ATP13A4: variants seen among roughly 807,000 people sequenced by gnomAD.
The protein encoded by ATP13A4 is probable cation-transporting ATPase 13A4.
In ATP13A4, 114 loss-of-function variants were observed where a neutral mutation model predicts 142.5. The observed-to-expected ratio is 0.80, with a 90% CI of 0.69 to 0.93. The LOEUF (loss-of-function observed/expected upper bound fraction) is 0.93, where lower values mean the gene tolerates loss of function less well. ATP13A4 is among the 40% of genes least tolerant of loss of function. ATP13A4 has a pLI of 0.00. For missense variants in ATP13A4, 1,392 were observed against 1,454.0 expected (o/e 0.96, Z 0.69); for synonymous variants, 488 against 514.8 (o/e 0.95, Z 0.70).
At chr3:193,416,480 GT>G (rs1437701021) in intron 25 of ATP13A4, among the ~76,000 whole-genome samples, 3 of 152,104 alleles carry the variant, frequency 2.0e-5, no homozygotes, top group African/African-American at 7.2e-5. Flanking sequence ...GAGAATGTCA[GT>G]AAAAAGATAA....
chr3:193,462,238 A>G (rs199617965), intron 13 of ATP13A4, among the ~76,000 whole-genome samples: 2 of 147,118 alleles, frequency 1.4e-5, no homozygotes, highest in East Asian at 2.0e-4. Flanking sequence ...AAAAAAAAAA[A>G]GAAAAAAGAG....
At chr3:193,546,260 C>T (rs539430725) in intron 1 of ATP13A4, among the ~76,000 whole-genome samples, 103 of 152,282 alleles carry the variant, frequency 6.8e-4, no homozygotes, top group African/African-American at 2.4e-3. Context: ...CAGATCATCA[C>T]ATTCAGACAG....
At chr3:193,537,177 ACAAT>A (rs1402092659) in intron 1 of ATP13A4, among the ~76,000 whole-genome samples, 3 of 152,114 alleles carry the variant, frequency 2.0e-5, no homozygotes, top group African/African-American at 7.2e-5. Context: ...CGAAGTGAAA[ACAAT>A]CAGTCCACCT....
At chr3:193,459,736 G>C (rs1355989413) in intron 13 of ATP13A4, among the ~76,000 whole-genome samples, 1 of 152,184 alleles carries the variant, frequency 6.6e-6, no homozygotes, top group East Asian at 1.9e-4. Context: ...ACTGTGCCCG[G>C]CTAAAAACAT....
intron 8 of ATP13A4, among the ~76,000 whole-genome samples, chr3:193,479,818 A>G (rs1231588335): frequency 6.6e-6 from 1 of 152,084 alleles, no homozygotes; most frequent in African/African-American, 2.4e-5. Flanking sequence ...AAAGCAAGAC[A>G]AAGCAAAAAG....
At chr3:193,417,397 G>A (rs1039648428) in intron 25 of ATP13A4, among the ~76,000 whole-genome samples, 1 of 152,148 alleles carries the variant, frequency 6.6e-6, no homozygotes, top group Non-Finnish European at 1.5e-5. Flanking sequence ...GTACACAATG[G>A]AAAAAGATGT....
chr3:193,496,310 G>A (rs2108670374), intron 3 of ATP13A4, among the ~76,000 whole-genome samples: 1 of 152,278 alleles, frequency 6.6e-6, no homozygotes. Context: ...CATACTATCT[G>A]ACTTCAAATT....
At chr3:193,408,133 AT>A (rs1242577842) in intron 28 of ATP13A4, among the ~76,000 whole-genome samples, 1 of 152,264 alleles carries the variant, frequency 6.6e-6, no homozygotes, top group Non-Finnish European at 1.5e-5. Flanking sequence ...AGGGCATCCC[AT>A]TGTATCTGGC....
At chr3:193,406,305 G>T (rs1002049370) in intron 29 of ATP13A4, among the ~76,000 whole-genome samples, 4 of 152,182 alleles carry the variant, frequency 2.6e-5, no homozygotes, top group African/African-American at 7.2e-5. Flanking sequence ...AGTAAGCAGG[G>T]AGAGCTCATT....
intron 18 of ATP13A4, among the ~76,000 whole-genome samples, chr3:193,446,745 T>TAATGAAA (rs1716979261): frequency 6.6e-6 from 1 of 152,206 alleles, no homozygotes; most frequent in East Asian, 1.9e-4. Flanking sequence ...CAGACTAAGT[T>TAATGAAA]AATGAAATAA....
intron 2 of ATP13A4, among the ~76,000 whole-genome samples, chr3:193,512,723 T>C (rs1181971747): frequency 1.3e-5 from 2 of 152,170 alleles, no homozygotes; most frequent in Non-Finnish European, 2.9e-5. Flanking sequence ...AACCCTGGTC[T>C]AAGTACAGTG....
chr3:193,484,310 A>AAAATAAAT (rs201541607), intron 7 of ATP13A4, among the ~76,000 whole-genome samples: 8,618 of 144,506 alleles, frequency 0.06, 374 homozygotes, highest in African/African-American at 0.11. Context: ...ACTCTGTCTC[A>AAAATAAAT]AAATAAATAA....
rs765148758 is a variant in ATP13A4, at chr3:193,493,012, A to G, written c.453-15T>C. 2.6e-5 allele frequency: 41 copies of G among 1,604,788 alleles called. No individual in the cohort carries two copies. The highest frequency in any genetic ancestry group is 3.4e-5 in the Non-Finnish European group (40 of 1,172,380). On this transcript the variant is annotated splice_polypyrimidine_tract_variant and intron_variant, in intron 4 of 29. Transcript: ENST00000342695. Reference sequence around the variant, plus strand: ...CTTCCAAAGAACTAAAATAATAATAATGAAAAGAACATATTTAGCAATAAT... The same window carrying G: ...CTTCCAAAGAACTAAAATAATAATAGTGAAAAGAACATATTTAGCAATAAT...
In ATP13A4 at chr3:193,535,085, C is replaced by T. The variant is rs956853295; in HGVS notation, c.60+19655G>A. Among the ~76,000 whole-genome samples, 7 of 152,186 alleles carry T rather than the reference C, an allele frequency of 4.6e-5. No homozygotes were observed. The East Asian group carries it at 9.7e-4, about 21-fold the overall frequency. On this transcript the variant is annotated intron_variant, in intron 1 of 29. Transcript: ENST00000342695. ...TGAGCCACCACACCCAGCTAAAAGC[C>T]AAAGACCTCAACACCTCTCTCTCAA... is the stretch of plus-strand genomic sequence containing the variant.
At chr3:193,448,180 T>C (rs768999871) in intron 18 of ATP13A4, 26 bp downstream of exon 18, 20 of 1,613,232 alleles carry the variant, frequency 1.2e-5, no homozygotes, top group Non-Finnish European at 1.7e-5. Context: ...ATTCTTACTG[T>C]TTTCACTGTA....
chr3:193,521,354 T>C (rs923917427), intron 1 of ATP13A4, among the ~76,000 whole-genome samples: 3 of 152,194 alleles, frequency 2.0e-5, no homozygotes, highest in Admixed American at 1.3e-4. Context: ...AATTTGCAAT[T>C]GACTTGGAGA....
chr3:193,459,591 C>T (rs935445468), intron 13 of ATP13A4, among the ~76,000 whole-genome samples: 2 of 152,172 alleles, frequency 1.3e-5, no homozygotes, highest in Non-Finnish European at 2.9e-5. Context: ...GCAGCCACCA[C>T]CATGTCAGGC....
rs185393882 is a variant in ATP13A4, at chr3:193,447,475, A to G, written c.2152+731T>C. On this transcript the variant is annotated intron_variant, in intron 18 of 29. Transcript: ENST00000342695. ...GGGAAATAATGTATCTTCGTGACAT[A>G]AATGATAGAGTTAAAAGCATCTGAC... is the stretch of plus-strand genomic sequence containing the variant. Among the ~76,000 whole-genome samples, 626 of 152,340 alleles carry G rather than the reference A, an allele frequency of 4.1e-3. 1 individual carries two copies. The highest frequency in any genetic ancestry group is 7.6e-3 in the Non-Finnish European group (520 of 68,036).
intron 7 of ATP13A4, among the ~76,000 whole-genome samples, chr3:193,484,623 T>C (rs1002550114): frequency 3.3e-5 from 5 of 152,192 alleles, no homozygotes; most frequent in African/African-American, 1.2e-4. Context: ...TATTTGCGAA[T>C]CTGATAAATA....
Sources: gnomAD v4.1 joint callset for allele counts (sites outside exome capture counted in the v4.1 genomes callset) on GRCh38, gnomAD v4.1.1 for gene constraint, MANE v1.5 for transcripts, NCBI Gene and HGNC (gene_info 2026-07-23, HGNC 2026-07-21) for gene names.